CCBE1: variants seen among roughly 807,000 people sequenced by gnomAD.
CCBE1 encodes collagen and calcium binding EGF domains 1, also known as collagen and calcium-binding EGF domain-containing protein 1.
Under a neutral mutation model 50.0 loss-of-function variants are expected in CCBE1, and 37 were observed. That is an observed-to-expected ratio of 0.74 (90% CI 0.57 to 0.97). The LOEUF (loss-of-function observed/expected upper bound fraction) is 0.97, where lower values mean the gene tolerates loss of function less well. Among genes scored for constraint, CCBE1 ranks in the 50% least tolerant of loss-of-function variants. The probability of loss-of-function intolerance (pLI) is 0.00; values close to 1 mark genes in which losing one functional copy is unlikely to be tolerated. For missense variants in CCBE1, 538 were observed against 523.8 expected, an observed-to-expected ratio of 1.03 and a Z score of -0.26; for synonymous variants, 234 against 203.7, an observed-to-expected ratio of 1.15 and a Z score of -1.27.
rs545684432 is a variant in CCBE1, at chr18:59,668,178, G to A, written c.212+28451C>T. Among the ~76,000 whole-genome samples the A allele has an allele frequency of 3.3e-5, 5 of 152,208 alleles. No homozygotes were observed. In the East Asian group the frequency reaches 9.6e-4, roughly 29 times the overall value. On this transcript the variant is annotated intron_variant, in intron 2 of 10. Transcript: ENST00000439986. ...CTCATGTCTGTAATCCCAACACTTT[G>A]GGAGGCTGAGGCGGGTGGATCACAA...
chr18:59,581,559 T>C (rs1470363358), intron 2 of CCBE1, among the ~76,000 whole-genome samples: 1 of 152,104 alleles, frequency 6.6e-6, no homozygotes, highest in Non-Finnish European at 1.5e-5. Flanking sequence ...TAAAGCACAT[T>C]CTCATCTTCC....
chr18:59,612,678 T>C (rs979133533), intron 2 of CCBE1, among the ~76,000 whole-genome samples: 3 of 152,182 alleles, frequency 2.0e-5, no homozygotes, highest in Non-Finnish European at 4.4e-5. Flanking sequence ...GGAGCCAAGA[T>C]GCAAACCAAG....
At chr18:59,462,721 T>C (rs1379321279) in intron 5 of CCBE1, among the ~76,000 whole-genome samples, 1 of 152,142 alleles carries the variant, frequency 6.6e-6, no homozygotes, top group Non-Finnish European at 1.5e-5. Context: ...CTCTGGGCTT[T>C]TAGTGCATTC....
intron 2 of CCBE1, among the ~76,000 whole-genome samples, chr18:59,639,135 T>C (rs886260497): frequency 3.9e-5 from 6 of 152,092 alleles, no homozygotes; most frequent in African/African-American, 9.7e-5. Flanking sequence ...AAGCCAGGCA[T>C]GGTGGTGTGC....
At position 59,693,014 on chromosome 18, in the gene CCBE1, C is replaced by T. The variant is rs554455023; in HGVS notation, c.212+3615G>A. On this transcript the variant is annotated intron_variant, in intron 2 of 10. Transcript: ENST00000439986. ...CACACACACACACACAAACAAAAAA[C>T]GCAAAGCCAAACCTATCTCATCTTG... 4.0e-5 allele frequency among the ~76,000 whole-genome samples: 6 copies of T among 149,624 alleles called. No individual in the cohort carries two copies. The East Asian group carries it at 5.9e-4, about 15-fold the overall frequency.
chr18:59,530,426 G>T (rs1056331079), intron 2 of CCBE1, among the ~76,000 whole-genome samples: 1 of 152,106 alleles, frequency 6.6e-6, no homozygotes. Flanking sequence ...ATTCTGGGTT[G>T]GTCACATCAC....
At chr18:59,606,551 C>T (rs1258066012) in intron 2 of CCBE1, among the ~76,000 whole-genome samples, 1 of 152,128 alleles carries the variant, frequency 6.6e-6, no homozygotes, top group Non-Finnish European at 1.5e-5. Context: ...TATGTGACTC[C>T]CTGCATCTTG....
chr18:59,454,557 TTA>T (rs1409995274), intron 6 of CCBE1, among the ~76,000 whole-genome samples: 1 of 152,194 alleles, frequency 6.6e-6, no homozygotes, highest in East Asian at 1.9e-4. Context: ...GAAATTTATT[TTA>T]TGAGAAGTTG....
intron 2 of CCBE1, among the ~76,000 whole-genome samples, chr18:59,660,528 C>T (rs1016558355): frequency 1.3e-5 from 2 of 152,026 alleles, no homozygotes; most frequent in African/African-American, 4.8e-5. Context: ...GAGAGCAAAG[C>T]CTTTTTGAGC....
At chr18:59,488,364 A>G (rs527409032) in intron 2 of CCBE1, among the ~76,000 whole-genome samples, 64 of 152,362 alleles carry the variant, frequency 4.2e-4, no homozygotes, top group African/African-American at 1.5e-3. Flanking sequence ...TTTGCCACAC[A>G]CACATACACG....
At chr18:59,542,503 T>A (rs949279388) in intron 2 of CCBE1, among the ~76,000 whole-genome samples, 1 of 152,150 alleles carries the variant, frequency 6.6e-6, no homozygotes, top group African/African-American at 2.4e-5. Context: ...TAAAAAGAAT[T>A]CCTGTAATAG....
At chr18:59,692,488 C>T (rs141734757) in intron 2 of CCBE1, among the ~76,000 whole-genome samples, 1 of 149,554 alleles carries the variant, frequency 6.7e-6, no homozygotes, top group Non-Finnish European at 1.5e-5. Flanking sequence ...GAAGCCCACT[C>T]CCCCGCCATG....
At chr18:59,659,698 C>T (rs1417466011) in intron 2 of CCBE1, among the ~76,000 whole-genome samples, 1 of 152,180 alleles carries the variant, frequency 6.6e-6, no homozygotes, top group Non-Finnish European at 1.5e-5. Context: ...AGCCTGATGA[C>T]AGTGCCCAGT....
intron 2 of CCBE1, among the ~76,000 whole-genome samples, chr18:59,672,710 G>T (rs919690465): frequency 1.3e-5 from 2 of 152,196 alleles, no homozygotes; most frequent in African/African-American, 4.8e-5. Flanking sequence ...TTGTGAGCAA[G>T]AGAATAATTT....
intron 2 of CCBE1, among the ~76,000 whole-genome samples, chr18:59,633,864 A>C (rs978574883): frequency 1.3e-5 from 2 of 152,254 alleles, no homozygotes; most frequent in African/African-American, 4.8e-5. Flanking sequence ...CATAAACTCC[A>C]AAACAAAGGT....
chr18:59,476,358 T>C (rs1912306415), intron 3 of CCBE1, among the ~76,000 whole-genome samples: 1 of 152,182 alleles, frequency 6.6e-6, no homozygotes, highest in African/African-American at 2.4e-5. Flanking sequence ...TACTGCTCCC[T>C]TCCCACAGTT....
rs1044732773 is a variant in CCBE1, at chr18:59,436,138, G to A, written c.991C>T (p.Pro331Ser). The change falls in exon 11 of 11, where the codon CCC (proline) becomes TCC (serine). Residue 331 changes from proline to serine, a missense_variant. By Grantham distance (74) the Pro-to-Ser change is moderately conservative. Transcript: ENST00000439986. ...AGCAGGAAGTCGAAAGAACCAGGGG[G>A]TCCCTGTGTACATGGGAGGAATCAA... ...GAPGPRGSPG[P>S]PGSFDFLLLM... 4 of 1,613,982 alleles carry A rather than the reference G, an allele frequency of 2.5e-6. No individual in the cohort carries two copies. Among genetic ancestry groups the A allele is most frequent in the Non-Finnish European group, 3.4e-6 (4 of 1,179,972 alleles).
rs530893758 is a variant in CCBE1 at position 59,522,148 on chromosome 18, G to A, written c.213-41910C>T. On this transcript the variant is annotated intron_variant, in intron 2 of 10. Coordinates refer to ENST00000439986, the MANE Select transcript of CCBE1 (RefSeq NM_133459.4). ...TTTCTTTTTTTTTTTTTGTACATTTGTATAATCTAAATTTCTATGCTAATA... is the reference window on the plus strand; with the variant it reads ...TTTCTTTTTTTTTTTTTGTACATTTATATAATCTAAATTTCTATGCTAATA... Among the ~76,000 whole-genome samples the A allele has an allele frequency of 8.0e-3, 1,129 of 141,766 alleles. 12 individuals carry two copies. Among genetic ancestry groups the A allele is most frequent in the African/African-American group, 0.028 (1,059 of 37,890 alleles). 93.0% of individuals were successfully genotyped at this position (141,766 alleles called of 152,430 possible).
intron 2 of CCBE1, among the ~76,000 whole-genome samples, chr18:59,622,845 G>GT (rs1450849946): frequency 2.9e-5 from 4 of 139,048 alleles, no homozygotes; most frequent in Non-Finnish European, 6.3e-5. Flanking sequence ...AAAAAAAGAT[G>GT]CCAGGGTCTG....
Sources: allele counts gnomAD v4.1 joint callset (sites outside exome capture counted in the v4.1 genomes callset), GRCh38; gene constraint gnomAD v4.1.1; transcripts MANE v1.5; gene names NCBI Gene and HGNC (gene_info 2026-07-23, HGNC 2026-07-21).